CUL3: variants seen among roughly 807,000 people sequenced by gnomAD.
CUL3 encodes cullin-3.
In CUL3, 19 loss-of-function variants were observed where a neutral mutation model predicts 89.1. The ratio of observed to expected loss-of-function variants is 0.21; its 90% CI spans 0.15 to 0.31. The LOEUF (loss-of-function observed/expected upper bound fraction) is 0.31. CUL3 is among the 10% of genes least tolerant of loss of function. The pLI, the probability that CUL3 is intolerant of heterozygous loss-of-function variation, is 1.00. For missense variants in CUL3, 469 were observed against 942.3 expected, an observed-to-expected ratio of 0.50 and a Z score of 6.58; for synonymous variants, 351 against 308.4, an observed-to-expected ratio of 1.14 and a Z score of -1.45.
chr2:224,576,975 T>G (rs1388794993), intron 1 of CUL3, among the ~76,000 whole-genome samples: 1 of 152,196 alleles, frequency 6.6e-6, no homozygotes, highest in Non-Finnish European at 1.5e-5. Flanking sequence ...CTTAGAACGA[T>G]TCACAAACTG....
chr2:224,514,483 T>A (rs759124785), intron 4 of CUL3, 129 bp downstream of exon 4: 102 of 714,902 alleles, frequency 1.4e-4, no homozygotes, highest in Admixed American at 2.2e-4. Flanking sequence ...TGATACTAAG[T>A]TTCTGAGGAT....
intron 3 of CUL3, among the ~76,000 whole-genome samples, chr2:224,525,818 T>C (rs1693453004): frequency 6.6e-6 from 1 of 152,224 alleles, no homozygotes; most frequent in South Asian, 2.1e-4. Context: ...TCCTTCATTA[T>C]CATAATTCCT....
chr2:224,565,731 G>C (rs1259827979), intron 1 of CUL3, among the ~76,000 whole-genome samples: 1 of 152,090 alleles, frequency 6.6e-6, no homozygotes, highest in East Asian at 1.9e-4. Flanking sequence ...GTCATCTTCC[G>C]GTGTGATGTC....
chr2:224,496,978 G>A (rs191284066), intron 12 of CUL3, among the ~76,000 whole-genome samples: 90 of 152,046 alleles, frequency 5.9e-4, no homozygotes, highest in East Asian at 2.7e-3. Context: ...ATTATTTAAC[G>A]AAATTATAAA....
intron 6 of CUL3, among the ~76,000 whole-genome samples, chr2:224,510,960 A>C (rs1285291420): frequency 6.6e-6 from 1 of 152,198 alleles, no homozygotes; most frequent in Non-Finnish European, 1.5e-5. Flanking sequence ...CAAAAATCTT[A>C]AGGTGGAAAC....
chr2:224,504,254 A>G (rs1034417112), intron 8 of CUL3: 1 of 153,636 alleles, frequency 6.5e-6, no homozygotes, highest in Non-Finnish European at 1.4e-5. Context: ...ACAAAAGGCA[A>G]TAATTTGTTA....
chr2:224,480,879 T>C (rs753285431), intron 14 of CUL3, among the ~76,000 whole-genome samples: 2 of 152,168 alleles, frequency 1.3e-5, no homozygotes, highest in Non-Finnish European at 2.9e-5. Context: ...TGTCAAGACA[T>C]GGGCCAATCT....
chr2:224,498,153 C>T (rs777218000), intron 11 of CUL3, among the ~76,000 whole-genome samples: 2 of 152,178 alleles, frequency 1.3e-5, no homozygotes, highest in Non-Finnish European at 2.9e-5. Flanking sequence ...CACCTTTCTC[C>T]ATAGTAACCC....
chr2:224,511,669 A>G (rs1692831097), intron 5 of CUL3, 87 bp from the exon 6 acceptor site: 3 of 674,568 alleles, frequency 4.4e-6, no homozygotes, highest in Non-Finnish European at 7.1e-6. Flanking sequence ...GTTTATAATA[A>G]ATCAGCCTAA....
At chr2:224,582,905 T>G (rs779361718) in intron 1 of CUL3, among the ~76,000 whole-genome samples, 3 of 152,202 alleles carry the variant, frequency 2.0e-5, no homozygotes, top group Non-Finnish European at 4.4e-5. Context: ...CAGGGAAACC[T>G]GAAGAGGTCA....
Position 224,503,004 on chromosome 2 carries a change from T to C in CUL3, c.1446A>G (p.Thr482=), listed in dbSNP as rs760815065. 6.2e-7 allele frequency: 1 copy of C among 1,614,046 alleles called. No individual in the cohort carries two copies. Among genetic ancestry groups the C allele is most frequent in the South Asian group, 1.1e-5 (1 of 91,080 alleles). ...GATGTTGCCTGAATTCATCCATCGT[T>C]GTGTTTGAGATGCTCATATCCCTAA... ...GMFRDMSISN[T]TMDEFRQHLQ... is the part of the protein sequence containing the mutation. The change falls in exon 10 of 16, where the codon ACA becomes ACG. Residue 482 remains threonine (T), a synonymous_variant. Transcript: ENST00000264414.
rs368745898 is a variant in CUL3 at position 224,540,456 on chromosome 2, AAAG to A, written c.265-4818_265-4816del. On this transcript the variant is annotated intron_variant, in intron 2 of 15. Coordinates refer to ENST00000264414, the MANE Select transcript of CUL3 (RefSeq NM_003590.5). ...GGAAGAGGAAGGAGGAAGAAGAAAG[AAAG>A]AAGAAAGAAGAAGAAATATTTGGGG... is the stretch of plus-strand genomic sequence containing the variant. Among the ~76,000 whole-genome samples, 329 of 152,140 alleles carry A rather than the reference AAAG, an allele frequency of 2.2e-3. 3 individuals carry two copies. Among genetic ancestry groups the A allele is most frequent in the African/African-American group, 7.1e-3 (296 of 41,488 alleles).
chr2:224,503,164 A>C, intron 9 of CUL3, 92 bp from the exon 10 acceptor site: 1 of 819,750 alleles, frequency 1.2e-6, no homozygotes. Flanking sequence ...TGTTATTGCT[A>C]TCCCTGATAA....
At chr2:224,507,057 GA>G in intron 6 of CUL3, 54 bp from the exon 7 acceptor site, 1 of 1,543,610 alleles carries the variant, frequency 6.5e-7, no homozygotes, top group Admixed American at 1.8e-5. Context: ...AAAAAAACAC[GA>G]ATCTCTGTTC....
intron 15 of CUL3, among the ~76,000 whole-genome samples, chr2:224,476,615 T>G (rs1167494561): frequency 6.6e-6 from 1 of 152,162 alleles, no homozygotes; most frequent in African/African-American, 2.4e-5. Flanking sequence ...CACCAAATCT[T>G]GCTTAGCACA....
intron 8 of CUL3, among the ~76,000 whole-genome samples, chr2:224,505,296 C>G (rs964933594): frequency 6.6e-6 from 1 of 152,098 alleles, no homozygotes; most frequent in Non-Finnish European, 1.5e-5. Flanking sequence ...CACCACCATG[C>G]CCAGCTAATT....
chr2:224,496,525 A>C (rs1205177565), intron 12 of CUL3, among the ~76,000 whole-genome samples: 1 of 152,234 alleles, frequency 6.6e-6, no homozygotes, highest in African/African-American at 2.4e-5. Context: ...ACAAGTAACT[A>C]ATCAATTCCC....
rs1401635676 is a variant in CUL3 at position 224,585,230 on chromosome 2, G to C, written c.-221C>G. 5.1e-6 allele frequency: 2 copies of C among 388,780 alleles called. No homozygotes were observed. Among genetic ancestry groups the C allele is most frequent in the Non-Finnish European group, 9.0e-6 (2 of 222,426 alleles). The allele number at this position is 388,780 out of a possible 1,614,324, so 24.1% of individuals were successfully genotyped here. Reference sequence around the variant, plus strand: ...ACTCTGGCGACTCCGATGCGGCTGGGGGGCTGCGCTGGCGCGGCGGCTCCG... The same window carrying C: ...ACTCTGGCGACTCCGATGCGGCTGGCGGGCTGCGCTGGCGCGGCGGCTCCG... On this transcript the variant is annotated 5_prime_UTR_variant, in exon 1 of 16. Coordinates refer to ENST00000264414, the MANE Select transcript of CUL3 (RefSeq NM_003590.5).
At chr2:224,534,200 C>A (rs1014481145) in intron 3 of CUL3, among the ~76,000 whole-genome samples, 1 of 152,036 alleles carries the variant, frequency 6.6e-6, no homozygotes, top group Non-Finnish European at 1.5e-5. Flanking sequence ...TTTTTTTTAA[C>A]TGGAATTTAA....
Sources: allele counts gnomAD v4.1 joint callset (sites outside exome capture counted in the v4.1 genomes callset), GRCh38; gene constraint gnomAD v4.1.1; transcripts MANE v1.5; gene names NCBI Gene and HGNC (gene_info 2026-07-23, HGNC 2026-07-21).